ZBTB8A: variants seen among roughly 807,000 people sequenced by gnomAD.
ZBTB8A encodes the protein zinc finger and BTB domain-containing protein 8A.
Under a neutral mutation model 37.8 loss-of-function variants are expected in ZBTB8A, and 19 were observed. The observed-to-expected ratio is 0.50, with a 90% confidence interval of 0.35 to 0.74. The LOEUF is 0.74. Ranked by LOEUF, ZBTB8A falls within the 30% of genes least tolerant of loss-of-function variation. The probability of loss-of-function intolerance (pLI) is 0.01; values close to 1 mark genes in which losing one functional copy is unlikely to be tolerated. For missense variants in ZBTB8A, 394 were observed against 537.8 expected (o/e 0.73, Z 2.65); for synonymous variants, 181 against 185.2 (o/e 0.98, Z 0.19).
At chr1:32,565,030 C>T (rs1407863004) in intron 2 of ZBTB8A, among the ~76,000 whole-genome samples, 3 of 152,200 alleles carry the variant, frequency 2.0e-5, no homozygotes, top group East Asian at 1.9e-4. Context: ...CCAAAACCCA[C>T]AGTAAGAAAT....
intron 2 of ZBTB8A, among the ~76,000 whole-genome samples, chr1:32,584,374 A>G (rs1454691390): frequency 6.6e-6 from 1 of 151,474 alleles, no homozygotes; most frequent in African/African-American, 2.5e-5. Context: ...GGGAAAACGT[A>G]TAAATGCAGA....
At chr1:32,554,608 A>G (rs1644185788) in intron 2 of ZBTB8A, among the ~76,000 whole-genome samples, 1 of 151,760 alleles carries the variant, frequency 6.6e-6, no homozygotes, top group South Asian at 2.1e-4. Flanking sequence ...CCTCCAGAGT[A>G]ACTGGGATTA....
intron 2 of ZBTB8A, among the ~76,000 whole-genome samples, chr1:32,568,665 C>T (rs969290965): frequency 1.3e-5 from 2 of 152,162 alleles, no homozygotes; most frequent in Admixed American, 6.6e-5. Flanking sequence ...GGATTACAGG[C>T]GTGAGCCACT....
At chr1:32,544,892 C>T (rs1337179565) in intron 1 of ZBTB8A, among the ~76,000 whole-genome samples, 1 of 152,150 alleles carries the variant, frequency 6.6e-6, no homozygotes, top group South Asian at 2.1e-4. Context: ...TTTGTTTACC[C>T]ACCTGTCCGT....
intron 4 of ZBTB8A, among the ~76,000 whole-genome samples, chr1:32,598,223 ATTTTTTTT>A (rs762801492): frequency 1.4e-4 from 12 of 86,018 alleles, no homozygotes; most frequent in Admixed American, 5.4e-4. Flanking sequence ...GCTTTCTTGG[ATTTTTTTT>A]TTTTTTTTTT....
intron 2 of ZBTB8A, among the ~76,000 whole-genome samples, chr1:32,582,515 G>A (rs1216504622): frequency 6.6e-6 from 1 of 152,038 alleles, no homozygotes; most frequent in Non-Finnish European, 1.5e-5. Context: ...GGACATGGTG[G>A]CACATACCTG....
intron 2 of ZBTB8A, among the ~76,000 whole-genome samples, chr1:32,567,801 A>C (rs1570336874): frequency 2.3e-5 from 1 of 42,662 alleles, no homozygotes; most frequent in African/African-American, 1.2e-4. Context: ...CAAAAAAAAA[A>C]AAAAAAAAAA....
chr1:32,568,877 G>A lies in ZBTB8A; in HGVS notation c.-2+15337G>A, dbSNP rs117330288. ...ACAATTTATTTATTCACCAGCAGAC[G>A]CACATTTTATTTCCAATTTGGGGCT... On this transcript the variant is annotated intron_variant, in intron 2 of 4. Transcript: ENST00000373510. Among the ~76,000 whole-genome samples the A allele has an allele frequency of 1.9e-3, 294 of 152,196 alleles. 2 individuals are homozygous for A. Among genetic ancestry groups the A allele is most frequent in the Admixed American group, 0.012 (182 of 15,272 alleles).
At chr1:32,547,828 C>CAAAAAAA (rs1194254576) in intron 1 of ZBTB8A, among the ~76,000 whole-genome samples, 20 of 30,454 alleles carry the variant, frequency 6.6e-4, no homozygotes, top group East Asian at 1.0e-3. Flanking sequence ...ACAAACAAAG[C>CAAAAAAA]AAAAAAAAAA....
intron 2 of ZBTB8A, among the ~76,000 whole-genome samples, chr1:32,575,363 A>T (rs753732673): frequency 7.3e-5 from 11 of 149,678 alleles, no homozygotes; most frequent in Non-Finnish European, 1.2e-4. Flanking sequence ...AGTAGCTGGG[A>T]TTACAGGTGC....
chr1:32,597,835 C>T (rs1344045844), intron 4 of ZBTB8A, among the ~76,000 whole-genome samples: 1 of 152,112 alleles, frequency 6.6e-6, no homozygotes, highest in African/African-American at 2.4e-5. Flanking sequence ...CCACAACCTC[C>T]ACCTGCTGGG....
intron 2 of ZBTB8A, among the ~76,000 whole-genome samples, chr1:32,573,310 G>A (rs1298072883): frequency 4.0e-5 from 6 of 148,920 alleles, no homozygotes; most frequent in African/African-American, 7.4e-5. Flanking sequence ...TCCTGACCTC[G>A]TGATCTGCCC....
intron 2 of ZBTB8A, among the ~76,000 whole-genome samples, chr1:32,587,872 A>G (rs1286368786): frequency 6.6e-6 from 1 of 151,974 alleles, no homozygotes; most frequent in Non-Finnish European, 1.5e-5. Flanking sequence ...TCTGGGGAGG[A>G]GAGAGAGGCT....
intron 2 of ZBTB8A, among the ~76,000 whole-genome samples, chr1:32,572,884 G>C (rs1005405080): frequency 6.8e-6 from 1 of 146,606 alleles, no homozygotes; most frequent in African/African-American, 2.5e-5. Context: ...TTTTTTCTTG[G>C]TTGATCTAGC....
chr1:32,555,306 G>T (rs986123664), intron 2 of ZBTB8A, among the ~76,000 whole-genome samples: 2 of 152,028 alleles, frequency 1.3e-5, no homozygotes, highest in African/African-American at 4.8e-5. Context: ...GGAGAATGGC[G>T]TGAACCCGGG....
chr1:32,551,750 T>C (rs1382858948), intron 1 of ZBTB8A, among the ~76,000 whole-genome samples: 1 of 152,140 alleles, frequency 6.6e-6, no homozygotes, highest in Non-Finnish European at 1.5e-5. Flanking sequence ...TTCGTATTTA[T>C]TTATTTAGAG....
intron 2 of ZBTB8A, among the ~76,000 whole-genome samples, chr1:32,568,399 T>C (rs1411973729): frequency 1.3e-5 from 2 of 152,012 alleles, no homozygotes; most frequent in Non-Finnish European, 2.9e-5. Flanking sequence ...TATTCTTTTT[T>C]TTTTTGAGAT....
intron 2 of ZBTB8A, among the ~76,000 whole-genome samples, chr1:32,561,342 C>T (rs532722313): frequency 2.7e-4 from 41 of 152,240 alleles, no homozygotes; most frequent in African/African-American, 9.4e-4. Flanking sequence ...AAGCAACGTA[C>T]GTTGATTCTT....
intron 1 of ZBTB8A, among the ~76,000 whole-genome samples, chr1:32,545,117 C>T (rs1340444848): frequency 2.6e-5 from 4 of 152,086 alleles, no homozygotes; most frequent in Non-Finnish European, 4.4e-5. Flanking sequence ...ATATTTCCAC[C>T]AGCAGTGTGT....
Sources: gnomAD v4.1 joint callset for allele counts (sites outside exome capture counted in the v4.1 genomes callset) on GRCh38, gnomAD v4.1.1 for gene constraint, MANE v1.5 for transcripts, NCBI Gene and HGNC (gene_info 2026-07-23, HGNC 2026-07-21) for gene names.